FGF12: variants seen among roughly 807,000 people sequenced by gnomAD.
FGF12 encodes the protein fibroblast growth factor 12B.
Under a neutral mutation model 23.6 loss-of-function variants are expected in FGF12, and 14 were observed. The observed-to-expected ratio is 0.59, with a 90% CI of 0.39 to 0.93. FGF12 has a LOEUF of 0.93. FGF12 is among the 40% of genes least tolerant of loss of function. The probability of loss-of-function intolerance (pLI) is 0.00; values close to 1 mark genes in which losing one functional copy is unlikely to be tolerated. For missense variants in FGF12, 175 were observed against 217.8 expected (o/e 0.80, Z 1.24); for synonymous variants, 62 against 77.3 (o/e 0.80, Z 1.04).
At chr3:192,339,735 C>T (rs1030646968) in intron 3 of FGF12, among the ~76,000 whole-genome samples, 1 of 152,088 alleles carries the variant, frequency 6.6e-6, no homozygotes. Context: ...TTCCAGATGG[C>T]TTATTTCTTG....
chr3:192,348,776 T>G (rs1301643151), intron 3 of FGF12, among the ~76,000 whole-genome samples: 1 of 152,170 alleles, frequency 6.6e-6, no homozygotes, highest in Non-Finnish European at 1.5e-5. Flanking sequence ...TTTAATATCT[T>G]TAAGGCCATG....
At chr3:192,238,877 G>T (rs1419346938) in intron 4 of FGF12, among the ~76,000 whole-genome samples, 1 of 152,168 alleles carries the variant, frequency 6.6e-6, no homozygotes, top group East Asian at 1.9e-4. Context: ...GTGAACCTGG[G>T]ATGGCTGAAG....
At chr3:192,536,207 T>C (rs1260952725) in intron 2 of FGF12, among the ~76,000 whole-genome samples, 1 of 152,220 alleles carries the variant, frequency 6.6e-6, no homozygotes, top group East Asian at 1.9e-4. Flanking sequence ...CTGTGTTGTC[T>C]ATGACTGTTT....
chr3:192,183,695 A>G (rs539367923), intron 4 of FGF12, among the ~76,000 whole-genome samples: 1 of 152,364 alleles, frequency 6.6e-6, no homozygotes, highest in South Asian at 2.1e-4. Flanking sequence ...TCCTCATCAT[A>G]GAATCCTTGA....
At chr3:192,714,512 A>ATTT (rs1411404676) in intron 2 of FGF12, among the ~76,000 whole-genome samples, 7 of 124,184 alleles carry the variant, frequency 5.6e-5, no homozygotes, top group African/African-American at 1.7e-4. Flanking sequence ...TTAAGGAAAT[A>ATTT]ATTTTTTTTT....
intron 2 of FGF12, among the ~76,000 whole-genome samples, chr3:192,588,114 G>A (rs1713448050): frequency 6.6e-6 from 1 of 151,458 alleles, no homozygotes; most frequent in African/African-American, 2.4e-5. Flanking sequence ...AGGAGGCCGA[G>A]GTGGGTGAAT....
chr3:192,345,478 G>A lies in FGF12; in HGVS notation c.125-10014C>T, dbSNP rs575567167. On this transcript the variant is annotated intron_variant, in intron 3 of 5. Coordinates refer to ENST00000445105, the MANE Select transcript of FGF12 (RefSeq NM_004113.6). The stretch of plus-strand genomic sequence containing the variant: ...CGAGGCGGGCGGATCACGAGGTCAG[G>A]AGATCGAGACCATCCTGGCTAACAC... 1.1e-3 allele frequency among the ~76,000 whole-genome samples: 49 copies of A among 44,516 alleles called. 18 individuals carry two copies. Among genetic ancestry groups the A allele is most frequent in the African/African-American group, 1.8e-3 (4 of 2,182 alleles). The allele number at this position is 44,516 out of a possible 152,430, so 29.2% of individuals were successfully genotyped here.
At chr3:192,323,966 C>T (rs986477425) in intron 4 of FGF12, among the ~76,000 whole-genome samples, 3 of 151,950 alleles carry the variant, frequency 2.0e-5, no homozygotes, top group African/African-American at 7.3e-5. Flanking sequence ...GTGGTGTGCA[C>T]CTGTAGTCCC....
At chr3:192,528,992 C>G (rs1049969006) in intron 2 of FGF12, among the ~76,000 whole-genome samples, 25 of 152,190 alleles carry the variant, frequency 1.6e-4, no homozygotes, top group African/African-American at 5.8e-4. Flanking sequence ...CTGACATTCC[C>G]TGGAGACATT....
rs542715878 is a variant in FGF12, at chr3:192,674,434, A to C, written c.13+52747T>G. On this transcript the variant is annotated intron_variant, in intron 2 of 5. Transcript: ENST00000445105. ...AAATGATAAACAAATGACTATGAAT[A>C]GTATGTTAGAAAGAAACCCTAGGCC... is the stretch of plus-strand genomic sequence containing the variant. 4.6e-5 allele frequency among the ~76,000 whole-genome samples: 7 copies of C among 152,300 alleles called. No individual in the cohort carries two copies. In the South Asian group the frequency reaches 1.0e-3, roughly 23 times the overall value.
At chr3:192,625,105 TC>T (rs1408110818) in intron 2 of FGF12, among the ~76,000 whole-genome samples, 2 of 152,126 alleles carry the variant, frequency 1.3e-5, no homozygotes, top group Non-Finnish European at 2.9e-5. Context: ...TTGTGTCTAA[TC>T]TTTTGCTTTT....
Position 192,590,953 on chromosome 3 carries a change from C to G in FGF12, c.13+136228G>C, listed in dbSNP as rs28493125. 5.5e-4 allele frequency among the ~76,000 whole-genome samples: 84 copies of G among 151,986 alleles called. 3 individuals are homozygous for G. Among genetic ancestry groups the G allele is most frequent in the African/African-American group, 1.9e-3 (80 of 41,530 alleles). Reference sequence around the variant, plus strand: ...CACAGTTCTCTGAATAGTTCTCTCTCTCCCTCTTCCTCCCATGCATATCAC... The same window carrying G: ...CACAGTTCTCTGAATAGTTCTCTCTGTCCCTCTTCCTCCCATGCATATCAC... On this transcript the variant is annotated intron_variant, in intron 2 of 5. Coordinates refer to ENST00000445105, the MANE Select transcript of FGF12 (RefSeq NM_004113.6).
At chr3:192,326,224 A>G (rs1716813673) in intron 4 of FGF12, among the ~76,000 whole-genome samples, 2 of 152,346 alleles carry the variant, frequency 1.3e-5, no homozygotes, top group South Asian at 4.1e-4. Context: ...AAGGAAATAC[A>G]GAGATAAATG....
At chr3:192,247,864 T>C (rs1289425425) in intron 4 of FGF12, among the ~76,000 whole-genome samples, 2 of 152,172 alleles carry the variant, frequency 1.3e-5, no homozygotes, top group East Asian at 1.9e-4. Context: ...CTTCTGAAAG[T>C]AGTGTTCCTG....
chr3:192,561,616 C>G (rs1185635814), intron 2 of FGF12, among the ~76,000 whole-genome samples: 1 of 152,146 alleles, frequency 6.6e-6, no homozygotes, highest in African/African-American at 2.4e-5. Flanking sequence ...CCCGCCTCGG[C>G]CTCCCAAAGT....
intron 2 of FGF12, among the ~76,000 whole-genome samples, chr3:192,461,493 G>A (rs1722859651): frequency 6.6e-6 from 1 of 152,028 alleles, no homozygotes; most frequent in Non-Finnish European, 1.5e-5. Flanking sequence ...TATTTATAAG[G>A]TAAATTATAA....
At chr3:192,712,492 A>G (rs1472910030) in intron 2 of FGF12, among the ~76,000 whole-genome samples, 1 of 152,028 alleles carries the variant, frequency 6.6e-6, no homozygotes, top group African/African-American at 2.4e-5. Context: ...AGACACTAAA[A>G]GTTTTCAGAG....
chr3:192,253,679 GC>G (rs1177574028), intron 4 of FGF12, among the ~76,000 whole-genome samples: 4 of 152,026 alleles, frequency 2.6e-5, no homozygotes, highest in African/African-American at 9.7e-5. Flanking sequence ...TTGGAGTCTT[GC>G]CCTCTCATAT....
chr3:192,194,587 T>C (rs1716966871), intron 4 of FGF12, among the ~76,000 whole-genome samples: 1 of 152,168 alleles, frequency 6.6e-6, no homozygotes, highest in Non-Finnish European at 1.5e-5. Context: ...AAAAATAAAA[T>C]AGTATATACC....
Sources: allele counts gnomAD v4.1 joint callset (sites outside exome capture counted in the v4.1 genomes callset), GRCh38; gene constraint gnomAD v4.1.1; transcripts MANE v1.5; gene names NCBI Gene and HGNC (gene_info 2026-07-23, HGNC 2026-07-21).